CEP131: variants seen among roughly 807,000 people sequenced by gnomAD.
CEP131 encodes the protein centrosomal protein 131.
A neutral mutation model predicts 136.8 loss-of-function variants in CEP131; 99 were observed. The observed-to-expected ratio is 0.72, with a 90% CI of 0.62 to 0.86. The LOEUF (loss-of-function observed/expected upper bound fraction) is 0.86, where lower values mean the gene tolerates loss of function less well. Among genes scored for constraint, CEP131 ranks in the 40% least tolerant of loss-of-function variants. The pLI, the probability that CEP131 is intolerant of heterozygous loss-of-function variation, is 0.00. For synonymous variants in CEP131, 646 were observed against 612.7 expected (o/e 1.05, Z -0.80); for missense variants, 1,459 against 1,463.0 (o/e 1.00, Z 0.04).
chr17:81,191,406 G>A, intron 21 of CEP131, 71 bp from the exon 22 acceptor site: 2 of 1,460,324 alleles, frequency 1.4e-6, no homozygotes, highest in Non-Finnish European at 1.9e-6. Context: ...AGCCTCAGGG[G>A]GTCCTGGGGG....
Position 81,200,052 on chromosome 17 carries a change from G to A in CEP131, c.907-217C>T. On this transcript the variant is annotated intron_variant, in intron 8 of 25. Transcript: ENST00000450824. ...GCAGGTGGCCAACAGTTCTGGCGTG[G>A]GGGAGACAGCTCTGCCCCCACAGAA... 3.3e-6 allele frequency: 2 copies of A among 614,512 alleles called. 1 individual carries two copies. Among genetic ancestry groups the A allele is most frequent in the Non-Finnish European group, 5.7e-6 (2 of 348,418 alleles). The allele number at this position is 614,512 out of a possible 1,614,324, so 38.1% of individuals were successfully genotyped here.
intron 13 of CEP131, 110 bp from the exon 14 acceptor site, chr17:81,197,165 A>G: frequency 3.5e-6 from 5 of 1,423,216 alleles, no homozygotes; most frequent in Non-Finnish European, 4.6e-6. Flanking sequence ...GGGCTGCTGC[A>G]CACGGGAGCC....
intron 2 of CEP131, among the ~76,000 whole-genome samples, 185 bp from the exon 3 acceptor site, chr17:81,209,207 C>T (rs576134188): frequency 3.9e-5 from 6 of 152,120 alleles, no homozygotes; most frequent in Non-Finnish European, 8.8e-5. Context: ...AGCAGGGCAG[C>T]GCGAGGGGGG....
At chr17:81,197,937 C>A (rs2061801518) in intron 12 of CEP131, 49 bp from the exon 13 acceptor site, 1 of 1,581,534 alleles carries the variant, frequency 6.3e-7, no homozygotes, top group Admixed American at 1.7e-5. Context: ...AGCCTGAGGA[C>A]TTGGGTTCCC....
In CEP131 at chr17:81,203,774, G is replaced by A. The variant is rs906482269; in HGVS notation, c.516-167C>T. On this transcript the variant is annotated intron_variant, in intron 5 of 25. Coordinates refer to ENST00000450824, the MANE Select transcript of CEP131 (RefSeq NM_014984.4). The surrounding 1 kb of genome is among the most constrained non-coding windows in gnomAD (Gnocchi z 4.6). ...TCCCCAGGCCCCTTCCACAGCCTGC[G>A]CCCTGATGATGGGGTTCTTCCCAGG... 4 of 597,990 alleles carry A rather than the reference G, an allele frequency of 6.7e-6. No individual in the cohort carries two copies. The highest frequency in any genetic ancestry group is 5.6e-5 in the East Asian group (2 of 35,410). 37.0% of individuals were successfully genotyped at this position (597,990 alleles called of 1,614,324 possible).
At position 81,189,906 on chromosome 17, in the gene CEP131, G is replaced by C. The variant is rs749640137; in HGVS notation, c.3168+9C>G. The C allele has an allele frequency of 6.2e-7, 1 of 1,612,918 alleles. No homozygotes were observed. Among genetic ancestry groups the C allele is most frequent in the Non-Finnish European group, 8.5e-7 (1 of 1,179,758 alleles). On this transcript the variant is annotated intron_variant, in intron 25 of 25. Transcript: ENST00000450824. ...CCGAGGTCCAGCAGGGCTGGCCACA[G>C]GGACTCACCTCATGTTGTGTCCGGA... is the stretch of plus-strand genomic sequence containing the variant.
chr17:81,196,632 C>T (rs779212194), intron 15 of CEP131, 69 bp downstream of exon 15: 9 of 1,536,880 alleles, frequency 5.9e-6, no homozygotes, highest in Non-Finnish European at 6.1e-6. Context: ...CAGTGGGAAG[C>T]CCCTGGCTCT....
chr17:81,212,145 T>A (rs1427649920), intron 2 of CEP131, among the ~76,000 whole-genome samples: 1 of 150,420 alleles, frequency 6.6e-6, no homozygotes, highest in Non-Finnish European at 1.5e-5. Context: ...TGAAACCTTG[T>A]CTCTACTAAA....
intron 7 of CEP131, among the ~76,000 whole-genome samples, chr17:81,201,944 A>G (rs2061899886): frequency 6.6e-6 from 1 of 152,068 alleles, no homozygotes; most frequent in African/African-American, 2.4e-5. Flanking sequence ...TACTAAAAAT[A>G]CAAAAAATTA....
At chr17:81,206,209 T>A (rs2146635243) in intron 5 of CEP131, among the ~76,000 whole-genome samples, 1 of 150,560 alleles carries the variant, frequency 6.6e-6, no homozygotes, top group East Asian at 1.9e-4. Context: ...CAAGACTCCA[T>A]CTCAAAAAAA....
At chr17:81,204,250 G>A (rs1350656665) in intron 5 of CEP131, among the ~76,000 whole-genome samples, 1 of 152,136 alleles carries the variant, frequency 6.6e-6, no homozygotes, top group Non-Finnish European at 1.5e-5. Context: ...TGGCTGCTCG[G>A]CAAAGCCCCT....
At chr17:81,210,013 TAAGCGAGGATCAG>T (rs2062095893) in intron 2 of CEP131, among the ~76,000 whole-genome samples, 4 of 34,160 alleles carry the variant, frequency 1.2e-4, no homozygotes, top group Middle Eastern at 0.02. Flanking sequence ...AAGCGGACGC[TAAGCGAGGATCAG>T]AGCGCTCGGA....
At position 81,203,223 on chromosome 17, in the gene CEP131, CTG is replaced by C. The variant is rs1280230817; in HGVS notation, c.629+269_629+270del. Reference sequence around the variant, plus strand: ...GTGCCACATCTGGGCTGTTTTCTCTCTGTGGGAAGCTGCCGACCCAAGAACAG... The same window carrying C: ...GTGCCACATCTGGGCTGTTTTCTCTCTGGGAAGCTGCCGACCCAAGAACAG... On this transcript the variant is annotated intron_variant, in intron 6 of 25. Coordinates refer to ENST00000450824, the MANE Select transcript of CEP131 (RefSeq NM_014984.4). The surrounding 1 kb of genome is among the most constrained non-coding windows in gnomAD (Gnocchi z 4.6). Among the ~76,000 whole-genome samples the C allele has an allele frequency of 6.6e-6, 1 of 152,190 alleles. No homozygotes were observed. Among genetic ancestry groups the C allele is most frequent in the Non-Finnish European group, 1.5e-5 (1 of 68,032 alleles).
intron 11 of CEP131, 142 bp from the exon 12 acceptor site, chr17:81,198,439 G>A: frequency 1.1e-6 from 1 of 877,110 alleles, no homozygotes; most frequent in Non-Finnish European, 1.7e-6. Flanking sequence ...GTGAGGCCAG[G>A]GCTCAGACCT....
rs765554710 is a variant in CEP131, at chr17:81,192,787, AGCCGCTGCC to A, written c.2369_2377del (p.Arg790_Arg792del). 1.9e-6 allele frequency: 3 copies of A among 1,597,060 alleles called. No homozygotes were observed. The South Asian group carries it at 3.3e-5, about 18-fold the overall frequency. On this transcript the variant is annotated inframe_deletion, in exon 19 of 26. Coordinates refer to ENST00000450824, the MANE Select transcript of CEP131 (RefSeq NM_014984.4). ...CCTCTCCTCAGCCACCTCACTGTAC[AGCCGCTGCC>A]GTTGCTGCTGCAGCGCCCACTGCTC...
At chr17:81,213,323 G>A (rs1029576148) in intron 2 of CEP131, among the ~76,000 whole-genome samples, 1 of 152,226 alleles carries the variant, frequency 6.6e-6, no homozygotes, top group Non-Finnish European at 1.5e-5. Context: ...ACTTTGGGAA[G>A]CCAAGGCAGG....
chr17:81,219,870 C>G lies in CEP131; in HGVS notation c.177+10G>C. 6.3e-7 allele frequency: 1 copy of G among 1,580,622 alleles called. No individual in the cohort carries two copies. The highest frequency in any genetic ancestry group is 1.4e-5 in the African/African-American group (1 of 73,444). On this transcript the variant is annotated intron_variant, in intron 2 of 25. Transcript: ENST00000450824. The surrounding 1 kb of genome is among the most constrained non-coding windows in gnomAD (Gnocchi z 4.0). ...GGCAGGGGCCCGGACTCCTAGGCCA[C>G]AGTACTCACCAGCACCTTCCTCTTC...
intron 5 of CEP131, among the ~76,000 whole-genome samples, chr17:81,204,352 G>A (rs2061958917): frequency 6.6e-6 from 1 of 152,086 alleles, no homozygotes; most frequent in South Asian, 2.1e-4. Context: ...GACAGCCACC[G>A]CCACCCCTCC....
rs748325085 is a variant in CEP131, at chr17:81,220,080, G to A, written c.-17-7C>T. On this transcript the variant is annotated splice_region_variant and splice_polypyrimidine_tract_variant and intron_variant, in intron 1 of 25. Transcript: ENST00000450824. ...ATGGTGGACAAGGCAGGTCCTGAGC[G>A]GGGAAGCAAGAGCTGCAATGAGATG... 27 of 1,508,946 alleles carry A rather than the reference G, an allele frequency of 1.8e-5. No individual in the cohort carries two copies. The highest frequency in any genetic ancestry group is 2.1e-4 in the Middle Eastern group (1 of 4,704). The allele number at this position is 1,508,946 out of a possible 1,614,324, so 93.5% of individuals were successfully genotyped here.
Sources: gnomAD v4.1 joint callset for allele counts (sites outside exome capture counted in the v4.1 genomes callset) on GRCh38, gnomAD v4.1.1 for gene constraint, Gnocchi (gnomAD v3.1) non-coding constraint, MANE v1.5 for transcripts, NCBI Gene and HGNC (gene_info 2026-07-23, HGNC 2026-07-21) for gene names.